TARDBP: variants seen among roughly 807,000 people sequenced by gnomAD.
TARDBP encodes TAR DNA-binding protein 43.
In TARDBP, 4 loss-of-function variants were observed where a neutral mutation model predicts 38.3. The observed-to-expected ratio is 0.10, with a 90% CI of 0.05 to 0.24. The LOEUF (loss-of-function observed/expected upper bound fraction) is 0.24, where lower values mean the gene tolerates loss of function less well. Among genes scored for constraint, TARDBP ranks in the 10% least tolerant of loss-of-function variants. TARDBP has a pLI of 1.00. For missense variants in TARDBP, 202 were observed against 521.9 expected (o/e 0.39, Z 5.97); for synonymous variants, 184 against 183.8 (o/e 1.00, Z -0.01).
intron 5 of TARDBP, among the ~76,000 whole-genome samples, chr1:11,021,764 ATGTGGCTTTTT>A (rs984006188): frequency 6.6e-6 from 1 of 152,010 alleles, no homozygotes; most frequent in African/African-American, 2.4e-5. Context: ...CGCCCAGCTA[ATGTGGCTTTTT>A]TGTGGTTTTT....
downstream of TARDBP, chr1:11,029,694 T>C (rs1643809603): frequency 7.8e-6 from 1 of 128,564 alleles, no homozygotes; most frequent in African/African-American, 2.9e-5. Context: ...CAGGCTAGAG[T>C]ATAATGGTGC....
chr1:11,013,739 T>C lies in TARDBP; in HGVS notation c.12T>C (p.Tyr4=), dbSNP rs1179641429. 8 of 1,608,254 alleles carry C rather than the reference T, an allele frequency of 5.0e-6. No individual in the cohort carries two copies. Among genetic ancestry groups the C allele is most frequent in the Non-Finnish European group, 5.9e-6 (7 of 1,176,796 alleles). Reference sequence around the variant, plus strand: ...AGGAAAAGTAAAAGATGTCTGAATATATTCGGGTAACCGAAGATGAGAACG... The same window carrying C: ...AGGAAAAGTAAAAGATGTCTGAATACATTCGGGTAACCGAAGATGAGAACG... MSE[Y]IRVTEDENDE... is the part of the protein sequence containing the mutation. Residue 4 remains tyrosine, a synonymous_variant, in exon 2 of 6, where the codon TAT becomes TAC. Transcript: ENST00000240185.
downstream of TARDBP, among the ~76,000 whole-genome samples, chr1:11,028,656 C>T (rs574349282): frequency 4.6e-5 from 7 of 150,964 alleles, no homozygotes; most frequent in South Asian, 1.5e-3. Flanking sequence ...TAATTTGAGC[C>T]AAATAACACA....
At chr1:11,028,246 CAG>C (rs1643774048), downstream of TARDBP, among the ~76,000 whole-genome samples, 1 of 151,902 alleles carries the variant, frequency 6.6e-6, no homozygotes. Context: ...GGAAAATTAA[CAG>C]GGCAAGCAGG....
intron 1 of TARDBP, among the ~76,000 whole-genome samples, chr1:11,013,004 G>T (rs374434384): frequency 2.6e-5 from 4 of 152,248 alleles, no homozygotes; most frequent in African/African-American, 7.2e-5. Flanking sequence ...GACAGTGCCG[G>T]AGCCTTCGGT....
rs1384933596 is a variant in TARDBP at position 11,022,539 on chromosome 1, C to G, written c.1130C>G (p.Ser377Cys). The change falls in exon 6 of 6, where the codon TCT becomes TGT. Residue 377 changes from serine (S) to cysteine (C), a missense_variant. Around this residue, in one of 5 missense-constraint regions of TARDBP, gnomAD observed 107 missense variants for 190.5 expected, o/e 0.56. Coordinates refer to ENST00000240185, the MANE Select transcript of TARDBP (RefSeq NM_007375.4). The surrounding 1 kb of genome is among the most constrained non-coding windows in gnomAD (Gnocchi z 4.5). Reference protein sequence around the residue: ...FGSGNNSYSGSNSGAAIGWGS... With the variant: ...FGSGNNSYSGCNSGAAIGWGS... Reference sequence around the variant, plus strand: ...TCTGGAAATAACTCTTATAGTGGCTCTAATTCTGGTGCAGCAATTGGTTGG... The same window carrying G: ...TCTGGAAATAACTCTTATAGTGGCTGTAATTCTGGTGCAGCAATTGGTTGG... 4 of 1,584,408 alleles carry G rather than the reference C, an allele frequency of 2.5e-6. No individual in the cohort carries two copies. The highest frequency in any genetic ancestry group is 2.7e-5 in the African/African-American group (2 of 74,036).
chr1:11,016,664 A>C (rs1238526862), intron 2 of TARDBP, among the ~76,000 whole-genome samples, 180 bp from the exon 3 acceptor site: 1 of 152,238 alleles, frequency 6.6e-6, no homozygotes, highest in Non-Finnish European at 1.5e-5. Flanking sequence ...AAAGCACCTC[A>C]GACACTAAAC....
At chr1:11,019,269 TG>T (rs1468616961) in intron 4 of TARDBP, 1 of 311,138 alleles carries the variant, frequency 3.2e-6, no homozygotes, top group Non-Finnish European at 6.2e-6. Flanking sequence ...TCATCATCTT[TG>T]CCAAGAGATT....
chr1:11,027,130 G>A, downstream of TARDBP: 7 of 1,612,864 alleles, frequency 4.3e-6, no homozygotes, highest in Non-Finnish European at 5.9e-6. Context: ...CTTGGATAGG[G>A]TGGCTTTTCA....
chr1:11,027,621 C>T (rs1557664800), downstream of TARDBP: 1 of 1,612,802 alleles, frequency 6.2e-7, no homozygotes, highest in Non-Finnish European at 8.5e-7. Context: ...TATACGCCCT[C>T]CTGTTGTGCG....
chr1:11,014,417 G>A (rs914556573), intron 2 of TARDBP, among the ~76,000 whole-genome samples: 9 of 152,266 alleles, frequency 5.9e-5, no homozygotes, highest in Middle Eastern at 3.4e-3. Context: ...TTACAATTTC[G>A]AGGTTCTGGT....
chr1:11,021,261 C>T (rs1356573755), intron 5 of TARDBP, among the ~76,000 whole-genome samples: 1 of 152,038 alleles, frequency 6.6e-6, no homozygotes, highest in Non-Finnish European at 1.5e-5. Context: ...GGCTCAGCCT[C>T]CTGAGTAGCT....
At chr1:11,013,634 TG>T in intron 1 of TARDBP, 81 bp from the exon 2 acceptor site, 1 of 1,191,040 alleles carries the variant, frequency 8.4e-7, no homozygotes, top group African/African-American at 1.5e-5. Context: ...GTCAGAACTC[TG>T]ACATGGTTTG....
chr1:11,017,130 G>A (rs1557656586), intron 3 of TARDBP, 123 bp downstream of exon 3: 1 of 1,070,406 alleles, frequency 9.3e-7, no homozygotes, highest in Non-Finnish European at 1.4e-6. Context: ...CAAACTCCTG[G>A]GCCCATACTG....
intron 4 of TARDBP, 129 bp from the exon 5 acceptor site, chr1:11,020,300 G>T: frequency 9.4e-7 from 1 of 1,059,048 alleles, no homozygotes; most frequent in African/African-American, 1.6e-5. Flanking sequence ...AAAAAATTAA[G>T]GGTACGTCTA....
chr1:11,019,622 A>C (rs915985226), intron 4 of TARDBP, among the ~76,000 whole-genome samples: 3 of 152,006 alleles, frequency 2.0e-5, no homozygotes, highest in African/African-American at 7.2e-5. Flanking sequence ...GCTGGAGTGC[A>C]GTGGTGCAAT....
intron 4 of TARDBP, 38 bp from the exon 5 acceptor site, chr1:11,020,391 A>T: frequency 1.2e-6 from 2 of 1,612,930 alleles, no homozygotes; most frequent in African/African-American, 1.3e-5. Flanking sequence ...TGTTCATAAC[A>T]TATTTCTGAG....
chr1:11,013,119 G>C (rs1483718328), intron 1 of TARDBP, among the ~76,000 whole-genome samples: 1 of 152,256 alleles, frequency 6.6e-6, no homozygotes, highest in African/African-American at 2.4e-5. Flanking sequence ...GCGGGCTTCT[G>C]GGAGGCGACG....
chr1:11,028,720 T>G (rs28731187), downstream of TARDBP, among the ~76,000 whole-genome samples: 77,611 of 134,916 alleles, frequency 0.58, 25,943 homozygotes, highest in Non-Finnish European at 0.75. Flanking sequence ...TTTTTTTTTT[T>G]TTTTTTTTTT....
Sources: gnomAD v4.1 joint callset for allele counts (sites outside exome capture counted in the v4.1 genomes callset) on GRCh38, gnomAD v4.1.1 for gene constraint, gnomAD v4.1.1 regional missense constraint, Gnocchi (gnomAD v3.1) non-coding constraint, MANE v1.5 for transcripts, NCBI Gene and HGNC (gene_info 2026-07-23, HGNC 2026-07-21) for gene names.